Variants in AOPEP observed in about 807,000 individuals in gnomAD.
AOPEP encodes aminopeptidase O.
A neutral mutation model predicts 98.1 loss-of-function variants in AOPEP; 77 were observed. That is an observed-to-expected ratio of 0.78 (90% CI 0.65 to 0.95). AOPEP has a LOEUF of 0.95. AOPEP is among the 40% of genes least tolerant of loss of function. The pLI is 0.00. For synonymous variants in AOPEP, 346 were observed against 365.3 expected, an observed-to-expected ratio of 0.95 and a Z score of 0.60; for missense variants, 1,024 against 1,024.7, an observed-to-expected ratio of 1.00 and a Z score of 0.01.
intron 10 of AOPEP, among the ~76,000 whole-genome samples, chr9:94,969,801 C>T (rs1378541284): frequency 6.6e-6 from 1 of 152,180 alleles, no homozygotes; most frequent in East Asian, 1.9e-4. Context: ...ACATTGCTTG[C>T]CTCATTTCTG....
At chr9:94,933,700 T>C in intron 7 of AOPEP, 1 of 981,512 alleles carries the variant, frequency 1.0e-6, no homozygotes, top group Non-Finnish European at 1.2e-6. Context: ...TGATGCCTAC[T>C]GTACATTCCA....
chr9:94,763,222 C>T (rs1400085384), intron 2 of AOPEP: 2 of 327,832 alleles, frequency 6.1e-6, no homozygotes, highest in Non-Finnish European at 1.3e-5. Context: ...ACGTCACTTA[C>T]TGTATGCAAA....
the AOPEP span, among the ~76,000 whole-genome samples, chr9:95,106,719 CCTTA>C: frequency 6.6e-6 from 1 of 152,182 alleles, no homozygotes; most frequent in Non-Finnish European, 1.5e-5. Flanking sequence ...CTCATCGTGG[CCTTA>C]CTTCTTTCCA....
At chr9:95,097,625 T>A in the AOPEP span, among the ~76,000 whole-genome samples, 3 of 152,252 alleles carry the variant, frequency 2.0e-5, no homozygotes, top group Non-Finnish European at 4.4e-5. Flanking sequence ...TCCCCTTTAC[T>A]TTCAGCATTC....
At chr9:95,097,844 A>G in the AOPEP span, among the ~76,000 whole-genome samples, 1 of 152,156 alleles carries the variant, frequency 6.6e-6, no homozygotes, top group Admixed American at 6.5e-5. Context: ...GCTTGAAGAC[A>G]TGTTATGTAC....
intron 7 of AOPEP, among the ~76,000 whole-genome samples, chr9:94,936,330 C>T (rs1455304535): frequency 6.6e-6 from 1 of 152,126 alleles, no homozygotes; most frequent in African/African-American, 2.4e-5. Context: ...TTGCTTTACC[C>T]TCTCCCTCCA....
At chr9:95,115,232 A>G in the AOPEP span, among the ~76,000 whole-genome samples, 85 of 152,278 alleles carry the variant, frequency 5.6e-4, no homozygotes, top group Non-Finnish European at 1.2e-3. Flanking sequence ...ATTAATCACC[A>G]CGCTTGCCCT....
At chr9:94,958,979 TG>T (rs1166894762) in intron 9 of AOPEP, among the ~76,000 whole-genome samples, 7 of 147,352 alleles carry the variant, frequency 4.8e-5, no homozygotes, top group Admixed American at 6.6e-5. Context: ...TTCACTCCTA[TG>T]TTTTTTTTTT....
chr9:95,005,991 C>T (rs1013697984), intron 13 of AOPEP: 1 of 484,198 alleles, frequency 2.1e-6, no homozygotes, highest in South Asian at 1.5e-5. Context: ...TGTACTTTCT[C>T]TCACCTAGAC....
rs577775461 is a variant in AOPEP at position 94,855,737 on chromosome 9, A to C, written c.1364+54735A>C. The stretch of plus-strand genomic sequence containing the variant: ...AGAAATTGTGGGGCATCTTGTTTTT[A>C]ATTTGCCTAGAACTGGTGGTTCGCA... On this transcript the variant is annotated intron_variant, in intron 5 of 16. Coordinates refer to ENST00000375315, the MANE Select transcript of AOPEP (RefSeq NM_001193329.3). 1.9e-4 allele frequency among the ~76,000 whole-genome samples: 29 copies of C among 152,280 alleles called. No homozygotes were observed. In the South Asian group the frequency reaches 6.0e-3, roughly 32 times the overall value.
intron 3 of AOPEP, among the ~76,000 whole-genome samples, chr9:94,776,603 T>C (rs1392355888): frequency 6.6e-6 from 1 of 152,192 alleles, no homozygotes; most frequent in Non-Finnish European, 1.5e-5. Context: ...CGCCCGACCT[T>C]TCCTCATTAT....
intron 3 of AOPEP, among the ~76,000 whole-genome samples, chr9:94,775,402 G>A (rs1483583327): frequency 6.8e-6 from 1 of 146,868 alleles, no homozygotes; most frequent in Non-Finnish European, 1.5e-5. Flanking sequence ...ACAGAGTCTT[G>A]CTCTGTCGCC....
chr9:94,992,203 C>A (rs746361723), intron 11 of AOPEP, among the ~76,000 whole-genome samples: 20 of 152,196 alleles, frequency 1.3e-4, no homozygotes, highest in Non-Finnish European at 2.6e-4. Context: ...TGTTGAACTG[C>A]ACAGATCCCA....
intron 13 of AOPEP, among the ~76,000 whole-genome samples, chr9:95,034,854 G>T (rs747074466): frequency 6.6e-6 from 1 of 152,164 alleles, no homozygotes; most frequent in Non-Finnish European, 1.5e-5. Flanking sequence ...TCCTCTAATC[G>T]CTGCATTGGA....
chr9:94,965,410 G>T (rs2059126506), intron 9 of AOPEP, among the ~76,000 whole-genome samples: 1 of 152,258 alleles, frequency 6.6e-6, no homozygotes, highest in Non-Finnish European at 1.5e-5. Flanking sequence ...GGGAGACTTT[G>T]TCTCCGGAAG....
the AOPEP span, among the ~76,000 whole-genome samples, chr9:95,120,816 G>A: frequency 2.6e-5 from 4 of 152,130 alleles, no homozygotes; most frequent in Admixed American, 2.6e-4. Flanking sequence ...TAATGTCATT[G>A]TTGGTAGTTT....
chr9:95,128,335 G>GT, the AOPEP span, among the ~76,000 whole-genome samples: 1 of 152,222 alleles, frequency 6.6e-6, no homozygotes, highest in East Asian at 1.9e-4. Context: ...GAATAAGAGT[G>GT]TTTAAGATCA....
At chr9:94,796,227 C>T (rs1259367988) in intron 4 of AOPEP, among the ~76,000 whole-genome samples, 1 of 152,136 alleles carries the variant, frequency 6.6e-6, no homozygotes, top group African/African-American at 2.4e-5. Flanking sequence ...GGGGTTCCTC[C>T]CATGCCCCCT....
intron 7 of AOPEP, chr9:94,933,464 T>C: frequency 1.0e-6 from 1 of 985,456 alleles, no homozygotes; most frequent in Non-Finnish European, 1.2e-6. Flanking sequence ...TGTATCGCTT[T>C]AAGGAGGTGC....
Sources: gnomAD v4.1 joint callset for allele counts (sites outside exome capture counted in the v4.1 genomes callset) on GRCh38, gnomAD v4.1.1 for gene constraint, MANE v1.5 for transcripts, NCBI Gene and HGNC (gene_info 2026-07-23, HGNC 2026-07-21) for gene names.